LTBP2: variants seen among roughly 807,000 people sequenced by gnomAD.
The protein encoded by LTBP2 is latent-transforming growth factor beta-binding protein 2.
A neutral mutation model predicts 210.6 loss-of-function variants in LTBP2; 103 were observed. The ratio of observed to expected loss-of-function variants is 0.49; its 90% CI spans 0.42 to 0.58. LTBP2 has a LOEUF of 0.58. LTBP2 is among the 20% of genes least tolerant of loss of function. The pLI is 0.00. For synonymous variants in LTBP2, 1,007 were observed against 1,015.0 expected (o/e 0.99, Z 0.15); for missense variants, 2,313 against 2,494.5 (o/e 0.93, Z 1.55).
At position 74,501,538 on chromosome 14, in the gene LTBP2, G is replaced by T. The variant is rs200772274; in HGVS notation, c.5223C>A (p.Asn1741Lys). 2 of 1,614,044 alleles carry T rather than the reference G, an allele frequency of 1.2e-6. No individual in the cohort carries two copies. The highest frequency in any genetic ancestry group is 2.2e-5 in the East Asian group (1 of 44,896). Residue 1741 changes from asparagine (N) to lysine (K), a missense_variant, in exon 35 of 36, where the codon AAC (asparagine) becomes AAA (lysine). By Grantham distance (94) the Asn-to-Lys change is moderately conservative. Coordinates refer to ENST00000261978, the MANE Select transcript of LTBP2 (RefSeq NM_000428.3). ...GCACACAGCGGCCATTCTCACAGCC[G>T]TTCAGGATGCCGCACTCCTCCGCCT... Reference protein sequence around the residue: ...GLQAEECGILNGCENGRCVRV... With the variant: ...GLQAEECGILKGCENGRCVRV...
chr14:74,551,192 CA>C lies in LTBP2; in HGVS notation c.1557del (p.Gly520AlafsTer37), dbSNP rs774102170. ...TTGTTGCTGTCCCAGAGGCTGTGGC[CA>C]GGGCTGGCAGGCAGCCAGGGCGGGG... Reference protein sequence around the residue: ...TRPPPWLPASPGHSLWDSNNI... With the variant: ...TRPPPWLPASXGHSLWDSNNI... On this transcript the variant is annotated frameshift_variant, in exon 7 of 36. Transcript: ENST00000261978. LOFTEE classifies it high-confidence loss of function. The C allele has an allele frequency of 6.2e-7, 1 of 1,613,722 alleles. No homozygotes were observed. Among genetic ancestry groups the C allele is most frequent in the South Asian group, 1.1e-5 (1 of 91,082 alleles).
At position 74,522,797 on chromosome 14, in the gene LTBP2, G is replaced by A. The variant is rs771814501; in HGVS notation, c.2652C>T (p.Tyr884=). ...GGGCACCCAAGTGAATACCTGTGCA[G>A]TAGGCCTGGCTGGGGTGCAGCTGGT... ...PGYQLHPSQA[Y]CTDDNECLRD... is the part of the protein sequence containing the mutation. Residue 884 remains tyrosine, a synonymous_variant, in exon 16 of 36, where the codon TAC becomes TAT. Coordinates refer to ENST00000261978, the MANE Select transcript of LTBP2 (RefSeq NM_000428.3). The A allele has an allele frequency of 5.6e-6, 9 of 1,610,878 alleles. No homozygotes were observed. Among genetic ancestry groups the A allele is most frequent in the South Asian group, 5.5e-5 (5 of 90,612 alleles).
chr14:74,581,838 G>A (rs1003982909), intron 3 of LTBP2, among the ~76,000 whole-genome samples: 5 of 152,130 alleles, frequency 3.3e-5, no homozygotes, highest in South Asian at 2.1e-4. Flanking sequence ...ATAAAGAGGT[G>A]GGGTGTGCAG....
chr14:74,550,029 T>G (rs2087630347), intron 7 of LTBP2, 64 bp from the exon 8 acceptor site: 4 of 1,097,442 alleles, frequency 3.6e-6, no homozygotes, highest in African/African-American at 3.1e-5. Flanking sequence ...TGCACAGAGA[T>G]GTCCCGGGAA....
intron 10 of LTBP2, among the ~76,000 whole-genome samples, chr14:74,530,900 C>T (rs539403552): frequency 1.3e-5 from 2 of 152,328 alleles, no homozygotes; most frequent in African/African-American, 4.8e-5. Context: ...AAACTTTCTT[C>T]GTGGTATTGT....
Position 74,611,636 on chromosome 14 carries a change from G to T in LTBP2, c.309C>A (p.Ala103=). Residue 103 remains alanine, a synonymous_variant, in exon 1 of 36, where the codon GCC becomes GCA. Coordinates refer to ENST00000261978, the MANE Select transcript of LTBP2 (RefSeq NM_000428.3). ...ACTGCTGCGCGCGGGACGGCCTCCT[G>T]GCCTCCGCCTCGGTGGGCCTCCTGG... ...GSPRRPTEAE[A]RRPSRAQQSR... 1 of 1,560,178 alleles carries T rather than the reference G, an allele frequency of 6.4e-7. No individual in the cohort carries two copies. The highest frequency in any genetic ancestry group is 8.6e-7 in the Non-Finnish European group (1 of 1,158,492).
chr14:74,530,837 AG>A (rs2087340646), intron 10 of LTBP2, among the ~76,000 whole-genome samples: 2 of 152,214 alleles, frequency 1.3e-5, no homozygotes. Context: ...TTTTTGCTTA[AG>A]GCAGTTTGAG....
At chr14:74,568,423 A>C (rs1477817862) in intron 3 of LTBP2, among the ~76,000 whole-genome samples, 1 of 151,914 alleles carries the variant, frequency 6.6e-6, no homozygotes, top group Non-Finnish European at 1.5e-5. Flanking sequence ...AGAGGGTGGG[A>C]GACATGAGCC....
intron 3 of LTBP2, among the ~76,000 whole-genome samples, chr14:74,576,655 C>G (rs559709702): frequency 1.2e-4 from 18 of 150,864 alleles, no homozygotes; most frequent in Admixed American, 2.6e-4. Context: ...GGGTACCTGT[C>G]ACAGAGAGTA....
intron 3 of LTBP2, among the ~76,000 whole-genome samples, chr14:74,557,730 C>T (rs7148764): frequency 0.37 from 55,821 of 152,114 alleles, 12,428 homozygotes; most frequent in Non-Finnish European, 0.51. Context: ...ACTGTGTATA[C>T]GACAGTGTCT....
intron 3 of LTBP2, among the ~76,000 whole-genome samples, chr14:74,583,679 C>T (rs1185339085): frequency 6.6e-6 from 1 of 152,264 alleles, no homozygotes; most frequent in Admixed American, 6.5e-5. Context: ...ATCCTCCTGG[C>T]CTTGCAGCCT....
intron 2 of LTBP2, among the ~76,000 whole-genome samples, chr14:74,599,595 T>C (rs2088416911): frequency 6.6e-6 from 1 of 152,172 alleles, no homozygotes. Flanking sequence ...GAGAGAGAGC[T>C]GGCAAAGCTA....
chr14:74,565,094 C>G (rs948072830), intron 3 of LTBP2, among the ~76,000 whole-genome samples: 25 of 152,186 alleles, frequency 1.6e-4, no homozygotes, highest in Admixed American at 1.5e-3. Flanking sequence ...TGACCCGGTC[C>G]GAAGAACAGC....
chr14:74,576,687 C>T (rs527350192), intron 3 of LTBP2, among the ~76,000 whole-genome samples: 1 of 151,502 alleles, frequency 6.6e-6, no homozygotes, highest in East Asian at 2.0e-4. Context: ...AAGGACATCC[C>T]CTGTTGTTGT....
At chr14:74,566,995 G>A (rs372702867) in intron 3 of LTBP2, among the ~76,000 whole-genome samples, 1 of 152,314 alleles carries the variant, frequency 6.6e-6, no homozygotes, top group South Asian at 2.1e-4. Flanking sequence ...GCTGTGGGTG[G>A]GGAGGAGGTA....
At chr14:74,504,610 T>C (rs917682956) in intron 30 of LTBP2, among the ~76,000 whole-genome samples, 168 bp downstream of exon 30, 23 of 152,042 alleles carry the variant, frequency 1.5e-4, no homozygotes, top group African/African-American at 4.6e-4. Flanking sequence ...GCAGCTTGAG[T>C]CAGAACTTCC....
chr14:74,536,064 T>G, intron 8 of LTBP2, 64 bp from the exon 9 acceptor site: 1 of 1,448,256 alleles, frequency 6.9e-7, no homozygotes, highest in South Asian at 1.1e-5. Context: ...TCACCCATGC[T>G]GGGAAGCGGG....
Position 74,505,101 on chromosome 14 carries a change from C to CT in LTBP2, c.4250dup (p.Lys1418GlufsTer18). ...CACTGGAGCAGGGCGCATGGCCCTT[C>CT]TGCCCGGAGTAGCAGTCCATGCGGG... On this transcript the variant is annotated frameshift_variant, in exon 29 of 36. Coordinates refer to ENST00000261978, the MANE Select transcript of LTBP2 (RefSeq NM_000428.3). LOFTEE classifies it high-confidence loss of function. 1 of 1,614,064 alleles carries CT rather than the reference C, an allele frequency of 6.2e-7. No individual in the cohort carries two copies.
intron 1 of LTBP2, among the ~76,000 whole-genome samples, chr14:74,609,814 T>C (rs2088579271): frequency 6.6e-6 from 1 of 152,222 alleles, no homozygotes; most frequent in Non-Finnish European, 1.5e-5. Flanking sequence ...AGTAATTGGG[T>C]TGCTCTCCCA....
Sources: allele counts gnomAD v4.1 joint callset (sites outside exome capture counted in the v4.1 genomes callset), GRCh38; gene constraint gnomAD v4.1.1; transcripts MANE v1.5; gene names NCBI Gene and HGNC (gene_info 2026-07-23, HGNC 2026-07-21).